The following GPHN variants were observed in gnomAD, a reference collection of about 807,000 sequenced individuals.
The protein encoded by GPHN is gephyrin.
A neutral mutation model predicts 95.5 loss-of-function variants in GPHN; 17 were observed. That is an observed-to-expected ratio of 0.18 (90% CI 0.12 to 0.27). The LOEUF (loss-of-function observed/expected upper bound fraction) is 0.27. Among genes scored for constraint, GPHN ranks in the 10% least tolerant of loss-of-function variants. The pLI, the probability that GPHN is intolerant of heterozygous loss-of-function variation, is 1.00. For synonymous variants in GPHN, 320 were observed against 322.5 expected, an observed-to-expected ratio of 0.99 and a Z score of 0.08; for missense variants, 660 against 978.1, an observed-to-expected ratio of 0.67 and a Z score of 4.34.
the GPHN span, among the ~76,000 whole-genome samples, chr14:67,632,710 G>C: frequency 6.7e-6 from 1 of 149,830 alleles, no homozygotes; most frequent in South Asian, 2.1e-4. Flanking sequence ...TCATTATGAA[G>C]ATTCACATAA....
chr14:67,204,913 G>A, the GPHN span: 13 of 1,611,262 alleles, frequency 8.1e-6, no homozygotes, highest in Middle Eastern at 3.3e-4. Context: ...CATCACAGAT[G>A]TCACAGATCT....
intron 2 of GPHN, among the ~76,000 whole-genome samples, chr14:66,686,231 C>G (rs1595547583): frequency 6.6e-6 from 1 of 152,156 alleles, no homozygotes; most frequent in African/African-American, 2.4e-5. Context: ...GCAATGTGGG[C>G]TCTTTTTTGG....
chr14:67,434,960 TTC>T, the GPHN span, among the ~76,000 whole-genome samples: 44 of 147,758 alleles, frequency 3.0e-4, no homozygotes, highest in African/African-American at 8.8e-4. Context: ...TCTCTTCCTC[TTC>T]TCTCTCTCTT....
chr14:66,620,596 G>A lies in GPHN; in HGVS notation c.65-60511G>A, dbSNP rs566653662. Among the ~76,000 whole-genome samples, 45 of 152,208 alleles carry A rather than the reference G, an allele frequency of 3.0e-4. 2 individuals are homozygous for A. The South Asian group carries it at 9.3e-3, about 32-fold the overall frequency. On this transcript the variant is annotated intron_variant, in intron 1 of 22. Coordinates refer to ENST00000478722, the MANE Select transcript of GPHN (RefSeq NM_020806.5). ...TCCCACCAGGTTCTTCCCATGACAC[G>A]TGGGAATTGTAGGAGTTACAATTCA...
the GPHN span, among the ~76,000 whole-genome samples, chr14:67,340,722 G>A: frequency 3.0e-4 from 46 of 152,066 alleles, no homozygotes; most frequent in Admixed American, 9.2e-4. Context: ...CTCTGATGCC[G>A]AGCCGAAGCT....
intron 17 of GPHN, among the ~76,000 whole-genome samples, chr14:67,128,313 G>A (rs912132493): frequency 9.9e-5 from 15 of 151,538 alleles, no homozygotes; most frequent in Admixed American, 4.6e-4. Context: ...CTGGGGTGCA[G>A]TGGCGTGATC....
chr14:66,729,396 A>ATT (rs1459943580), intron 2 of GPHN, among the ~76,000 whole-genome samples: 1 of 152,244 alleles, frequency 6.6e-6, no homozygotes, highest in African/African-American at 2.4e-5. Context: ...ATCATGAACG[A>ATT]AGATCTAGTT....
intron 1 of GPHN, among the ~76,000 whole-genome samples, chr14:66,631,738 G>A (rs2063819488): frequency 6.6e-6 from 1 of 151,918 alleles, no homozygotes; most frequent in Non-Finnish European, 1.5e-5. Flanking sequence ...TTTATTTTTT[G>A]ATGAATTATA....
At chr14:66,929,054 C>CTTTTTTTTTTTTTTTTTTTTTT (rs147521541) in intron 8 of GPHN, among the ~76,000 whole-genome samples, 1 of 122,788 alleles carries the variant, frequency 8.1e-6, no homozygotes, top group Non-Finnish European at 1.8e-5. Flanking sequence ...TCCAATGTTT[C>CTTTTTTTTTTTTTTTTTTTTTT]TTTTTTTTTT....
chr14:66,713,772 G>A (rs2069899703), intron 2 of GPHN, among the ~76,000 whole-genome samples: 1 of 151,206 alleles, frequency 6.6e-6, no homozygotes, highest in African/African-American at 2.4e-5. Context: ...TTGTTTGTTT[G>A]TTTATTTTGT....
At chr14:67,141,429 G>A (rs1405410074) in intron 17 of GPHN, among the ~76,000 whole-genome samples, 1 of 152,190 alleles carries the variant, frequency 6.6e-6, no homozygotes, top group East Asian at 1.9e-4. Flanking sequence ...GGGTATGTTT[G>A]TGTGATTAAC....
At chr14:66,726,277 C>T (rs1595703824) in intron 2 of GPHN, among the ~76,000 whole-genome samples, 1 of 152,098 alleles carries the variant, frequency 6.6e-6, no homozygotes, top group Non-Finnish European at 1.5e-5. Context: ...ACTTCCACCT[C>T]TCAGGATGCT....
At chr14:67,336,850 G>C in the GPHN span, 7 of 440,148 alleles carry the variant, frequency 1.6e-5, no homozygotes, top group Non-Finnish European at 2.7e-5. Flanking sequence ...ATTTTATTCT[G>C]TGAGCAGCAA....
At chr14:66,967,729 T>C (rs1594663875) in intron 9 of GPHN, among the ~76,000 whole-genome samples, 1 of 151,840 alleles carries the variant, frequency 6.6e-6, no homozygotes. Context: ...CATATTAATT[T>C]AATAATTATA....
the GPHN span, chr14:67,583,957 C>A: frequency 6.2e-7 from 1 of 1,613,174 alleles, no homozygotes; most frequent in South Asian, 1.1e-5. Context: ...CACGTCGGCA[C>A]TTCATTGGCA....
chr14:67,473,183 C>T, the GPHN span: 4 of 557,124 alleles, frequency 7.2e-6, no homozygotes, highest in Non-Finnish European at 1.3e-5. This position sits in a 1 kb window ranked among gnomAD's most constrained non-coding sequence, Gnocchi z 6.5. Context: ...TGAACTGGGC[C>T]GCGATCCATG....
chr14:67,073,622 T>C (rs545811360), intron 11 of GPHN, among the ~76,000 whole-genome samples: 2 of 152,294 alleles, frequency 1.3e-5, no homozygotes. Flanking sequence ...CCAACCCAAC[T>C]TAATAACTAA....
chr14:66,576,220 G>C (rs2060894077), intron 1 of GPHN, among the ~76,000 whole-genome samples: 1 of 152,184 alleles, frequency 6.6e-6, no homozygotes, highest in African/African-American at 2.4e-5. Context: ...TCCTGCATCT[G>C]TGCTGGCTAG....
intron 1 of GPHN, among the ~76,000 whole-genome samples, chr14:66,666,561 A>G (rs2065971448): frequency 1.3e-5 from 2 of 152,122 alleles, no homozygotes; most frequent in Admixed American, 1.3e-4. Context: ...TTCAGAAAAG[A>G]TTTTTGATAA....
Sources: gnomAD v4.1 joint callset for allele counts (sites outside exome capture counted in the v4.1 genomes callset) on GRCh38, gnomAD v4.1.1 for gene constraint, Gnocchi (gnomAD v3.1) non-coding constraint, MANE v1.5 for transcripts, NCBI Gene and HGNC (gene_info 2026-07-23, HGNC 2026-07-21) for gene names.